The following CDH18 variants were observed in gnomAD, a reference collection of about 807,000 sequenced individuals.
CDH18 encodes the protein cadherin 18.
A neutral mutation model predicts 67.9 loss-of-function variants in CDH18; 31 were observed. The ratio of observed to expected loss-of-function variants is 0.46; its 90% CI spans 0.34 to 0.62. The LOEUF (loss-of-function observed/expected upper bound fraction) is 0.62. Ranked by LOEUF, CDH18 falls within the 20% of genes least tolerant of loss-of-function variation. CDH18 has a pLI of 0.01. For synonymous variants in CDH18, 362 were observed against 347.2 expected, an observed-to-expected ratio of 1.04 and a Z score of -0.48; for missense variants, 890 against 975.5, an observed-to-expected ratio of 0.91 and a Z score of 1.17.
intron 1 of CDH18, among the ~76,000 whole-genome samples, chr5:20,508,718 A>G (rs1342763371): frequency 6.6e-6 from 1 of 152,032 alleles, no homozygotes; most frequent in Non-Finnish European, 1.5e-5. Flanking sequence ...TAGTGATCTT[A>G]GGTGCAGCAG....
At chr5:19,837,762 T>A (rs937121365) in intron 3 of CDH18, among the ~76,000 whole-genome samples, 15 of 145,142 alleles carry the variant, frequency 1.0e-4, no homozygotes, top group Admixed American at 9.9e-4. Context: ...TGGAATACTA[T>A]TTTTTTTAGT....
intron 5 of CDH18, among the ~76,000 whole-genome samples, chr5:19,673,306 T>C (rs1759004258): frequency 6.6e-6 from 1 of 152,010 alleles, no homozygotes; most frequent in African/African-American, 2.4e-5. Context: ...ACAATAACCA[T>C]TTAAAACAGA....
At chr5:20,083,143 G>T (rs1423069708) in intron 2 of CDH18, among the ~76,000 whole-genome samples, 1 of 152,146 alleles carries the variant, frequency 6.6e-6, no homozygotes, top group Non-Finnish European at 1.5e-5. Flanking sequence ...AGTACTGAAA[G>T]AATTGAGGAT....
At chr5:20,049,923 CTT>C (rs910301158) in intron 2 of CDH18, among the ~76,000 whole-genome samples, 2 of 151,602 alleles carry the variant, frequency 1.3e-5, no homozygotes, top group East Asian at 1.9e-4. Context: ...GAAAAACAAA[CTT>C]AATTATATTA....
At chr5:19,972,369 A>T (rs1798111314) in intron 2 of CDH18, among the ~76,000 whole-genome samples, 1 of 152,074 alleles carries the variant, frequency 6.6e-6, no homozygotes, top group Non-Finnish European at 1.5e-5. Context: ...AAGTCTATAA[A>T]TTCAGAAAGC....
chr5:19,673,360 A>G (rs1759015711), intron 5 of CDH18, among the ~76,000 whole-genome samples: 1 of 152,086 alleles, frequency 6.6e-6, no homozygotes, highest in African/African-American at 2.4e-5. Flanking sequence ...AAATAAAGTT[A>G]TATTTTATTA....
intron 2 of CDH18, among the ~76,000 whole-genome samples, chr5:19,974,506 G>T (rs1198954305): frequency 8.2e-6 from 1 of 122,314 alleles, no homozygotes; most frequent in Non-Finnish European, 1.6e-5. Context: ...GCGACAGAAT[G>T]AGATCCTGTC....
intron 1 of CDH18, among the ~76,000 whole-genome samples, chr5:20,463,066 C>G (rs1162114764): frequency 6.6e-6 from 1 of 152,068 alleles, no homozygotes; most frequent in African/African-American, 2.4e-5. Flanking sequence ...TGCAGCACTG[C>G]CTTTTGCCAG....
chr5:20,271,670 G>A (rs1325732402), intron 1 of CDH18, among the ~76,000 whole-genome samples: 2 of 151,940 alleles, frequency 1.3e-5, no homozygotes, highest in African/African-American at 4.8e-5. Flanking sequence ...GCCTTGTGAG[G>A]ACATAGCCAG....
At chr5:19,505,241 T>C (rs1040097928) in intron 10 of CDH18, among the ~76,000 whole-genome samples, 4 of 152,142 alleles carry the variant, frequency 2.6e-5, no homozygotes, top group Non-Finnish European at 4.4e-5. Flanking sequence ...GTTTTCTAGA[T>C]ATACAATTAT....
At chr5:19,976,745 A>G (rs1348904852) in intron 2 of CDH18, among the ~76,000 whole-genome samples, 1 of 152,160 alleles carries the variant, frequency 6.6e-6, no homozygotes, top group Non-Finnish European at 1.5e-5. Flanking sequence ...AAGAATACCT[A>G]CAAATTTCAA....
chr5:19,792,283 C>T (rs1187780031), intron 3 of CDH18, among the ~76,000 whole-genome samples: 2 of 152,058 alleles, frequency 1.3e-5, no homozygotes, highest in African/African-American at 4.8e-5. Flanking sequence ...AGAGCTGGGG[C>T]GTTCATCTTC....
rs70950085 is a variant in CDH18 at position 19,699,642 on chromosome 5, C to CTGTGTGTG, written c.643+21697_643+21704dup. ...TGTGTGTGTGTGTGTGTGTGTGTGT[C>CTGTGTGTG]TGTGTGTGTGTGTGTGTGTGTGTTT... On this transcript the variant is annotated intron_variant, in intron 5 of 12. Transcript: ENST00000382275. 4.2e-3 allele frequency among the ~76,000 whole-genome samples: 612 copies of CTGTGTGTG among 144,452 alleles called. 5 individuals are homozygous for CTGTGTGTG. The highest frequency in any genetic ancestry group is 6.1e-3 in the Non-Finnish European group (400 of 65,536). 94.8% of individuals were successfully genotyped at this position (144,452 alleles called of 152,430 possible). A position where few individuals can be genotyped will look rare whatever the true frequency, so the allele number is the denominator to read the frequency against.
intron 2 of CDH18, among the ~76,000 whole-genome samples, chr5:19,943,360 A>T (rs948537980): frequency 6.6e-6 from 1 of 152,072 alleles, no homozygotes; most frequent in Admixed American, 6.6e-5. Flanking sequence ...TCTCAAAGTG[A>T]ATTGGGAGGA....
chr5:20,346,168 T>C (rs1472449264), intron 1 of CDH18, among the ~76,000 whole-genome samples: 2 of 152,186 alleles, frequency 1.3e-5, no homozygotes, highest in Non-Finnish European at 2.9e-5. Context: ...AGGATTTCCC[T>C]AGTAGTCCTC....
chr5:19,616,490 G>A (rs150579351), intron 5 of CDH18, among the ~76,000 whole-genome samples: 1 of 152,224 alleles, frequency 6.6e-6, no homozygotes, highest in East Asian at 1.9e-4. Flanking sequence ...CTATTGCAAT[G>A]CTCCTTTTCA....
intron 2 of CDH18, among the ~76,000 whole-genome samples, chr5:20,209,216 T>C (rs1163970915): frequency 2.0e-5 from 3 of 152,032 alleles, no homozygotes; most frequent in African/African-American, 7.2e-5. Context: ...ATACTAAACG[T>C]AGGATTATCA....
At chr5:20,487,307 CAT>C (rs1016724327) in intron 1 of CDH18, among the ~76,000 whole-genome samples, 42 of 150,356 alleles carry the variant, frequency 2.8e-4, no homozygotes, top group African/African-American at 9.6e-4. Flanking sequence ...ATGTTTTATC[CAT>C]ATATATATGG....
intron 2 of CDH18, among the ~76,000 whole-genome samples, chr5:19,875,735 T>G (rs2150038121): frequency 6.6e-6 from 1 of 152,194 alleles, no homozygotes; most frequent in South Asian, 2.1e-4. Context: ...TCCTTAATTT[T>G]TATCAGTGTT....
Sources: allele counts gnomAD v4.1 joint callset (sites outside exome capture counted in the v4.1 genomes callset), GRCh38; gene constraint gnomAD v4.1.1; transcripts MANE v1.5; gene names NCBI Gene and HGNC (gene_info 2026-07-23, HGNC 2026-07-21).